The following NCKAP5 variants were observed in gnomAD, a reference collection of about 807,000 sequenced individuals.
NCKAP5 encodes nck-associated protein 5.
Under a neutral mutation model 167.0 loss-of-function variants are expected in NCKAP5, and 92 were observed. The observed-to-expected ratio is 0.55, with a 90% CI of 0.47 to 0.66. The LOEUF (loss-of-function observed/expected upper bound fraction) is 0.66. NCKAP5 is among the 30% of genes least tolerant of loss of function. NCKAP5 has a pLI of 0.00. For synonymous variants in NCKAP5, 891 were observed against 877.4 expected, an observed-to-expected ratio of 1.02 and a Z score of -0.27; for missense variants, 2,378 against 2,315.0, an observed-to-expected ratio of 1.03 and a Z score of -0.56.
At chr2:133,186,914 A>T in intron 5 of NCKAP5, among the ~76,000 whole-genome samples, 1 of 150,972 alleles carries the variant, frequency 6.6e-6, no homozygotes. Flanking sequence ...TCTTGGTTTC[A>T]CTCTTTCTTT....
intron 16 of NCKAP5, among the ~76,000 whole-genome samples, chr2:132,761,939 A>G (rs1681043606): frequency 6.6e-6 from 1 of 152,178 alleles, no homozygotes; most frequent in South Asian, 2.1e-4. Flanking sequence ...AAGCATCTAC[A>G]AAAGGGACCC....
intron 3 of NCKAP5, among the ~76,000 whole-genome samples, chr2:133,491,703 T>A (rs1681460634): frequency 6.6e-6 from 1 of 152,138 alleles, no homozygotes; most frequent in African/African-American, 2.4e-5. Flanking sequence ...ATAGCCAGCT[T>A]TTCTGCTAAG....
the NCKAP5 span, among the ~76,000 whole-genome samples, chr2:133,653,265 A>G: frequency 6.6e-6 from 1 of 152,356 alleles, no homozygotes; most frequent in East Asian, 1.9e-4. Flanking sequence ...TTACTCTGCC[A>G]ATAATTGGAG....
At chr2:132,732,349 G>T (rs987112911) in intron 16 of NCKAP5, among the ~76,000 whole-genome samples, 4 of 151,960 alleles carry the variant, frequency 2.6e-5, no homozygotes, top group Non-Finnish European at 5.9e-5. Flanking sequence ...TCAAGTTAAG[G>T]GGTGTAGCAC....
At chr2:132,938,875 T>A (rs1697054134) in intron 8 of NCKAP5, among the ~76,000 whole-genome samples, 1 of 152,110 alleles carries the variant, frequency 6.6e-6, no homozygotes, top group South Asian at 2.1e-4. Context: ...TTAGGATCAG[T>A]CCCTTGCCCC....
the NCKAP5 span, among the ~76,000 whole-genome samples, chr2:133,613,587 T>C: frequency 6.6e-6 from 1 of 152,132 alleles, no homozygotes; most frequent in Non-Finnish European, 1.5e-5. Context: ...TCCCAGCAAG[T>C]CCTTTGGCTG....
At chr2:133,229,189 G>T (rs2087029113) in intron 4 of NCKAP5, among the ~76,000 whole-genome samples, 1 of 152,196 alleles carries the variant, frequency 6.6e-6, no homozygotes, top group African/African-American at 2.4e-5. Flanking sequence ...AAAAAAATAG[G>T]ATAACAACCA....
At chr2:132,835,950 T>G (rs928840638) in intron 11 of NCKAP5, among the ~76,000 whole-genome samples, 1 of 152,162 alleles carries the variant, frequency 6.6e-6, no homozygotes, top group Admixed American at 6.5e-5. Context: ...TTACTGCATA[T>G]TAGGTACTCT....
chr2:132,966,671 C>G (rs1240022087), intron 7 of NCKAP5, among the ~76,000 whole-genome samples: 1 of 152,094 alleles, frequency 6.6e-6, no homozygotes, highest in Non-Finnish European at 1.5e-5. Flanking sequence ...ATGTGTATTT[C>G]TATTTAAAGA....
intron 5 of NCKAP5, among the ~76,000 whole-genome samples, chr2:133,186,633 G>A (rs1468207430): frequency 1.3e-5 from 2 of 152,038 alleles, no homozygotes; most frequent in Admixed American, 6.6e-5. Flanking sequence ...TTTGGTGCTT[G>A]TTATTGGTCT....
intron 2 of NCKAP5, among the ~76,000 whole-genome samples, chr2:133,521,664 A>G (rs1221157933): frequency 6.6e-6 from 1 of 152,006 alleles, no homozygotes; most frequent in Non-Finnish European, 1.5e-5. Context: ...GCACATCCCC[A>G]TGTCTCTTCC....
At chr2:132,720,128 C>T (rs1040819906) in intron 19 of NCKAP5, among the ~76,000 whole-genome samples, 7 of 152,206 alleles carry the variant, frequency 4.6e-5, no homozygotes, top group Admixed American at 1.3e-4. Context: ...CTTGCTCGCT[C>T]CTTCACCTTT....
At chr2:133,646,982 A>G in the NCKAP5 span, among the ~76,000 whole-genome samples, 1 of 152,154 alleles carries the variant, frequency 6.6e-6, no homozygotes, top group Admixed American at 6.5e-5. Flanking sequence ...GAAGTTATAA[A>G]AAGGGAAAAG....
At chr2:133,176,555 C>T (rs1412396050) in intron 5 of NCKAP5, among the ~76,000 whole-genome samples, 1 of 152,178 alleles carries the variant, frequency 6.6e-6, no homozygotes, top group Non-Finnish European at 1.5e-5. Flanking sequence ...TTAAACACAG[C>T]ACTCATTTGA....
At chr2:133,628,371 CATGA>C in the NCKAP5 span, among the ~76,000 whole-genome samples, 1 of 152,214 alleles carries the variant, frequency 6.6e-6, no homozygotes, top group South Asian at 2.1e-4. Context: ...AAAGCCAAAT[CATGA>C]ATGAACTCCC....
chr2:132,944,903 G>A (rs1352745560), intron 8 of NCKAP5, among the ~76,000 whole-genome samples: 1 of 151,522 alleles, frequency 6.6e-6, no homozygotes, highest in Admixed American at 6.6e-5. Flanking sequence ...TGGGCAAAGG[G>A]AAGACCTTAC....
intron 7 of NCKAP5, among the ~76,000 whole-genome samples, chr2:132,988,981 C>A (rs1169845469): frequency 6.6e-6 from 1 of 152,136 alleles, no homozygotes; most frequent in African/African-American, 2.4e-5. Flanking sequence ...ATAGTTGGGT[C>A]CTTTTCCCCC....
intron 3 of NCKAP5, among the ~76,000 whole-genome samples, chr2:133,464,307 T>C (rs1334567182): frequency 6.6e-6 from 1 of 152,254 alleles, no homozygotes; most frequent in East Asian, 1.9e-4. Flanking sequence ...CTTTGACATA[T>C]ATGAATTGCC....
chr2:133,435,180 T>A (rs1361048761), intron 3 of NCKAP5, among the ~76,000 whole-genome samples: 1 of 152,212 alleles, frequency 6.6e-6, no homozygotes, highest in Non-Finnish European at 1.5e-5. Context: ...TGGGTGGGAA[T>A]GTTTCAGGGA....
Sources: allele counts gnomAD v4.1 joint callset (sites outside exome capture counted in the v4.1 genomes callset), GRCh38; gene constraint gnomAD v4.1.1; transcripts MANE v1.5; gene names NCBI Gene and HGNC (gene_info 2026-07-23, HGNC 2026-07-21).